The following SOX5 variants were observed in gnomAD, a reference collection of about 807,000 sequenced individuals.
SOX5 encodes transcription factor SOX-5.
Under a neutral mutation model 92.0 loss-of-function variants are expected in SOX5, and 9 were observed. The ratio of observed to expected loss-of-function variants is 0.10; its 90% CI spans 0.06 to 0.17. The LOEUF (loss-of-function observed/expected upper bound fraction) is 0.17. SOX5 is among the 10% of genes least tolerant of loss of function. The pLI is 1.00. For synonymous variants in SOX5, 344 were observed against 336.3 expected (o/e 1.02, Z -0.25); for missense variants, 642 against 944.5 (o/e 0.68, Z 4.20).
chr12:24,275,404 T>C (rs952353950), intron 3 of SOX5, among the ~76,000 whole-genome samples: 1 of 152,098 alleles, frequency 6.6e-6, no homozygotes, highest in Non-Finnish European at 1.5e-5. Flanking sequence ...ATATCTTTAG[T>C]GTAGACTCTG....
chr12:24,146,908 C>A (rs1466989096), intron 4 of SOX5, among the ~76,000 whole-genome samples: 1 of 152,032 alleles, frequency 6.6e-6, no homozygotes, highest in African/African-American at 2.4e-5. Context: ...TTAAAAGATA[C>A]AAACTATCAA....
intron 3 of SOX5, among the ~76,000 whole-genome samples, chr12:24,255,725 C>T (rs975947057): frequency 6.6e-5 from 10 of 152,168 alleles, no homozygotes; most frequent in Non-Finnish European, 1.3e-4. Flanking sequence ...AGTTTAACAT[C>T]TCATCCAAAA....
intron 1 of SOX5, among the ~76,000 whole-genome samples, chr12:24,530,838 T>C (rs1202107964): frequency 2.0e-5 from 3 of 152,098 alleles, no homozygotes; most frequent in African/African-American, 7.2e-5. Context: ...ACCCTTCTAA[T>C]ATTACTCATT....
At chr12:24,154,439 G>A (rs945684998) in intron 4 of SOX5, among the ~76,000 whole-genome samples, 1 of 152,108 alleles carries the variant, frequency 6.6e-6, no homozygotes, top group Non-Finnish European at 1.5e-5. Context: ...ACTGAAGAGT[G>A]TTACTGCACC....
At chr12:24,176,532 T>C (rs1954829451) in intron 4 of SOX5, among the ~76,000 whole-genome samples, 1 of 152,220 alleles carries the variant, frequency 6.6e-6, no homozygotes, top group South Asian at 2.1e-4. Flanking sequence ...TACAGCCTGC[T>C]GTGGTTTAAG....
rs112256115 is a variant in SOX5 at position 24,430,342 on chromosome 12, C to A, written c.-250-61703G>T. On this transcript the variant is annotated intron_variant, in intron 1 of 4. Transcript: ENST00000446891. Reference sequence around the variant, plus strand: ...AAGTGGTAAATCCACACTTTCATCACCACTAAGACAAGAAGGCATGTTTTC... The same window carrying A: ...AAGTGGTAAATCCACACTTTCATCAACACTAAGACAAGAAGGCATGTTTTC... 5.1e-3 allele frequency among the ~76,000 whole-genome samples: 780 copies of A among 152,112 alleles called. 10 individuals carry two copies. The highest frequency in any genetic ancestry group is 0.017 in the Middle Eastern group (5 of 294).
At chr12:24,366,927 G>A (rs1336594681) in intron 2 of SOX5, among the ~76,000 whole-genome samples, 1 of 151,880 alleles carries the variant, frequency 6.6e-6, no homozygotes, top group Non-Finnish European at 1.5e-5. Context: ...AATGGGTAGA[G>A]GAAGGAGAAA....
At chr12:24,322,795 G>A (rs1950327567) in intron 2 of SOX5, among the ~76,000 whole-genome samples, 1 of 152,052 alleles carries the variant, frequency 6.6e-6, no homozygotes, top group Admixed American at 6.5e-5. Context: ...CTCACAAAAG[G>A]ATGAAGTGAG....
At chr12:23,605,838 A>G (rs1221572214) in intron 8 of SOX5, among the ~76,000 whole-genome samples, 4 of 152,092 alleles carry the variant, frequency 2.6e-5, no homozygotes, top group Non-Finnish European at 5.9e-5. Context: ...GATAAAAATT[A>G]TGGCTTAATT....
At chr12:24,220,220 A>G (rs1054988107) in intron 3 of SOX5, among the ~76,000 whole-genome samples, 9 of 152,136 alleles carry the variant, frequency 5.9e-5, no homozygotes, top group South Asian at 2.1e-4. Context: ...TAGTATCATC[A>G]TTATCATCAA....
chr12:24,385,926 C>CA (rs35813329), intron 1 of SOX5, among the ~76,000 whole-genome samples: 37,798 of 73,708 alleles, frequency 0.51, 8,886 homozygotes, highest in East Asian at 0.71. Flanking sequence ...GACCTTGTCA[C>CA]AAAAAAAAAA....
At chr12:24,016,388 C>A (rs1953607669) in intron 4 of SOX5, among the ~76,000 whole-genome samples, 1 of 152,072 alleles carries the variant, frequency 6.6e-6, no homozygotes, top group African/African-American at 2.4e-5. Context: ...GTGAAGAGTA[C>A]AGCTGCACAT....
chr12:23,883,720 CAT>C (rs149171260), intron 2 of SOX5, among the ~76,000 whole-genome samples: 4,275 of 152,246 alleles, frequency 0.028, 182 homozygotes, highest in African/African-American at 0.097. Context: ...TTATATATCT[CAT>C]AATCTTAACA....
At chr12:24,021,227 G>A (rs1954249374) in intron 4 of SOX5, among the ~76,000 whole-genome samples, 1 of 152,154 alleles carries the variant, frequency 6.6e-6, no homozygotes, top group Non-Finnish European at 1.5e-5. Context: ...CTCTCCTATG[G>A]CTGAGTAGAA....
At chr12:23,685,004 A>T (rs1196372573) in intron 6 of SOX5, among the ~76,000 whole-genome samples, 1 of 152,146 alleles carries the variant, frequency 6.6e-6, no homozygotes, top group Non-Finnish European at 1.5e-5. Context: ...CTTGTGTAAA[A>T]TATGTATTGA....
intron 4 of SOX5, among the ~76,000 whole-genome samples, chr12:24,198,963 T>A (rs1276689720): frequency 6.6e-6 from 1 of 152,106 alleles, no homozygotes; most frequent in Non-Finnish European, 1.5e-5. Flanking sequence ...CTTGCAGATA[T>A]CCCATGACAA....
At chr12:24,354,942 T>C (rs1954611906) in intron 2 of SOX5, among the ~76,000 whole-genome samples, 1 of 152,226 alleles carries the variant, frequency 6.6e-6, no homozygotes. Flanking sequence ...TGGCATTTTT[T>C]ATTTGTTTCC....
In SOX5 at chr12:23,660,940, C is replaced by A. The variant is rs554555821; in HGVS notation, c.931+4504G>T. On this transcript the variant is annotated intron_variant, in intron 7 of 14. Coordinates refer to ENST00000451604, the MANE Select transcript of SOX5 (RefSeq NM_006940.6). Reference sequence around the variant, plus strand: ...CTCTAAAATTTTAAAATATCCTGTGCCCCTATGAATTAGCTACACCACCCT... The same window carrying A: ...CTCTAAAATTTTAAAATATCCTGTGACCCTATGAATTAGCTACACCACCCT... Among the ~76,000 whole-genome samples the A allele has an allele frequency of 7.2e-5, 11 of 152,212 alleles. 1 individual carries two copies. Among genetic ancestry groups the A allele is most frequent in the Middle Eastern group, 3.4e-3 (1 of 294 alleles).
In SOX5 at chr12:24,081,019, G is replaced by A. The variant is rs77003570; in HGVS notation, c.-2+132324C>T. 3.8e-3 allele frequency among the ~76,000 whole-genome samples: 576 copies of A among 152,030 alleles called. 7 individuals carry two copies. The highest frequency in any genetic ancestry group is 0.014 in the African/African-American group (561 of 41,512). On this transcript the variant is annotated intron_variant, in intron 4 of 4. Coordinates refer to the SOX5 transcript ENST00000446891. ...TCTCTGTAATTATTAGCAGTAATAC[G>A]CTTATTAACTTGTGAATTTAATACA... is the stretch of plus-strand genomic sequence containing the variant.
Sources: allele counts gnomAD v4.1 joint callset (sites outside exome capture counted in the v4.1 genomes callset), GRCh38; gene constraint gnomAD v4.1.1; transcripts MANE v1.5; gene names NCBI Gene and HGNC (gene_info 2026-07-23, HGNC 2026-07-21).